Variants in TBL1X observed in about 807,000 individuals in gnomAD.
TBL1X encodes the protein F-box-like/WD repeat-containing protein TBL1X.
TBL1X carries 10 observed loss-of-function variants against 50.7 expected under a neutral mutation model. That is an observed-to-expected ratio of 0.20 (90% CI 0.12 to 0.33). The LOEUF is 0.33. TBL1X is among the 10% of genes least tolerant of loss of function. The pLI, the probability that TBL1X is intolerant of heterozygous loss-of-function variation, is 1.00. For missense variants in TBL1X, 340 were observed against 504.4 expected (o/e 0.67, Z 3.12); for synonymous variants, 190 against 214.7 (o/e 0.88, Z 1.01).
intron 2 of TBL1X, among the ~76,000 whole-genome samples, chrX:9,563,627 A>G (rs144754010): frequency 0.021 from 2,347 of 112,544 alleles, 27 homozygotes; most frequent in Non-Finnish European, 0.031. Flanking sequence ...AGCTTAACTA[A>G]GATTAAGTAA....
chrX:9,615,394 G>T (rs111988422), intron 2 of TBL1X, among the ~76,000 whole-genome samples: 77 of 111,834 alleles, frequency 6.9e-4, no homozygotes, highest in African/African-American at 2.1e-3. Flanking sequence ...AGATAAAGGG[G>T]AAGAAGGAAT....
chrX:9,543,115 G>T (rs1031997945), intron 2 of TBL1X, among the ~76,000 whole-genome samples: 1 of 112,644 alleles, frequency 8.9e-6, no homozygotes, highest in Admixed American at 9.3e-5. Flanking sequence ...GCACAGGGTG[G>T]CTTCCCCATG....
At chrX:9,520,011 C>T (rs928734095) in intron 2 of TBL1X, among the ~76,000 whole-genome samples, 5 of 112,357 alleles carry the variant, frequency 4.5e-5, no homozygotes, top group South Asian at 3.7e-4. Context: ...TTGGTAGGAG[C>T]AGAGCTTACA....
Position 9,716,235 on chromosome X carries a change from C to G in TBL1X, c.1723C>G (p.Leu575Val). 1 of 1,210,203 alleles carries G rather than the reference C, an allele frequency of 8.3e-7. No homozygotes were observed. The highest frequency in any genetic ancestry group is 1.1e-6 in the Non-Finnish European group (1 of 894,478). ...TTCCTTCCAGGTGTGTGTTTTGGAT[C>G]TGCGGAAGTAACCACAAAATATTAT... is the stretch of plus-strand genomic sequence containing the variant. Reference protein sequence around the residue: ...ASDGSVCVLDLRK With the variant: ...ASDGSVCVLDVRK Residue 575 changes from leucine to valine, a missense_variant, in exon 18 of 18, where the codon CTG becomes GTG. Physicochemically the swap from Leu to Val is conservative, Grantham distance 32 (BLOSUM62 1). Coordinates refer to ENST00000645353, the MANE Select transcript of TBL1X (RefSeq NM_005647.4).
intron 2 of TBL1X, among the ~76,000 whole-genome samples, chrX:9,533,362 C>A (rs1381644250): frequency 9.0e-6 from 1 of 111,614 alleles, no homozygotes; most frequent in Middle Eastern, 4.2e-3. Context: ...CCTTCCTCCC[C>A]CTCCCCACTT....
intron 5 of TBL1X, among the ~76,000 whole-genome samples, chrX:9,661,733 A>T (rs1303595446): frequency 9.0e-6 from 1 of 111,178 alleles, no homozygotes; most frequent in African/African-American, 3.3e-5. Context: ...TATACTGTCC[A>T]AAAAGAGTAC....
At chrX:9,484,211 C>T (rs999335654) in intron 1 of TBL1X, among the ~76,000 whole-genome samples, 4 of 110,848 alleles carry the variant, frequency 3.6e-5, no homozygotes, top group Admixed American at 9.6e-5. Context: ...CCTATGTTGC[C>T]CAGGCTGGTC....
intron 5 of TBL1X, among the ~76,000 whole-genome samples, chrX:9,672,704 C>T (rs1458773481): frequency 9.0e-6 from 1 of 111,472 alleles, no homozygotes; most frequent in African/African-American, 3.3e-5. Flanking sequence ...CCCAACTTCT[C>T]CATTGCCATC....
At chrX:9,471,449 G>A (rs1475046463) in intron 1 of TBL1X, among the ~76,000 whole-genome samples, 1 of 112,221 alleles carries the variant, frequency 8.9e-6, no homozygotes, top group Non-Finnish European at 1.9e-5. Flanking sequence ...TCAAGGTCTG[G>A]GAGGCCATGT....
intron 2 of TBL1X, among the ~76,000 whole-genome samples, chrX:9,582,028 C>T (rs909621368): frequency 8.9e-6 from 1 of 112,277 alleles, no homozygotes; most frequent in Non-Finnish European, 1.9e-5. Flanking sequence ...GACAATTAGA[C>T]CCTGCCTTTG....
chrX:9,559,931 C>T (rs1003403834), intron 2 of TBL1X, among the ~76,000 whole-genome samples: 5 of 111,940 alleles, frequency 4.5e-5, no homozygotes, highest in Non-Finnish European at 7.5e-5. Context: ...GCAGCAGCCC[C>T]GGTTTTTCTG....
chrX:9,681,758 A>G (rs1438463454), intron 5 of TBL1X, among the ~76,000 whole-genome samples: 1 of 112,930 alleles, frequency 8.9e-6, no homozygotes, highest in African/African-American at 3.2e-5. Flanking sequence ...ATACTGTTTC[A>G]TGGTGGCTAA....
At chrX:9,683,185 AC>A (rs2083036228) in intron 5 of TBL1X, among the ~76,000 whole-genome samples, 1 of 110,684 alleles carries the variant, frequency 9.0e-6, no homozygotes, top group East Asian at 2.9e-4. Flanking sequence ...CTTCCTCATC[AC>A]CCCCAGACCT....
At chrX:9,464,466 AG>A (rs1267449434), upstream of TBL1X, among the ~76,000 whole-genome samples, 4 of 111,198 alleles carry the variant, frequency 3.6e-5, no homozygotes, top group African/African-American at 1.3e-4. Context: ...GCTGGGGTAA[AG>A]ACTACTGGGG....
chrX:9,656,194 C>T (rs1192951892), intron 5 of TBL1X, among the ~76,000 whole-genome samples: 3 of 112,376 alleles, frequency 2.7e-5, no homozygotes, highest in African/African-American at 9.7e-5. Flanking sequence ...CCTCAGAGCC[C>T]ATAGCTTTCC....
intron 2 of TBL1X, among the ~76,000 whole-genome samples, chrX:9,529,679 A>G (rs2082150214): frequency 9.2e-6 from 1 of 109,202 alleles, no homozygotes; most frequent in Non-Finnish European, 1.9e-5. Context: ...GCAGTGACTC[A>G]TGCCTGTAAC....
chrX:9,695,607 C>T (rs976350774), intron 11 of TBL1X, among the ~76,000 whole-genome samples: 65 of 112,122 alleles, frequency 5.8e-4, no homozygotes, highest in Middle Eastern at 4.6e-3. Context: ...TTAATCCATC[C>T]GGTACTGCCA....
chrX:9,699,093 G>A (rs140362797), intron 12 of TBL1X, among the ~76,000 whole-genome samples: 1,636 of 111,679 alleles, frequency 0.015, 31 homozygotes, highest in African/African-American at 0.05. Flanking sequence ...CGATTCTCCT[G>A]CCTCAGCCTC....
intron 1 of TBL1X, among the ~76,000 whole-genome samples, chrX:9,493,251 T>G (rs2081956557): frequency 9.0e-6 from 1 of 111,684 alleles, no homozygotes; most frequent in Non-Finnish European, 1.9e-5. Context: ...GATTGTCTCA[T>G]TCATCAAGAG....
Sources: gnomAD v4.1 joint callset for allele counts (sites outside exome capture counted in the v4.1 genomes callset) on GRCh38, gnomAD v4.1.1 for gene constraint, MANE v1.5 for transcripts, NCBI Gene and HGNC (gene_info 2026-07-23, HGNC 2026-07-21) for gene names.